The following STAG3 variants were observed in gnomAD, a reference collection of about 807,000 sequenced individuals.
STAG3 encodes STAG3 cohesin complex component, also known as cohesin subunit SA-3.
Under a neutral mutation model 160.7 loss-of-function variants are expected in STAG3, and 101 were observed. The observed-to-expected ratio is 0.63, with a 90% CI of 0.54 to 0.74. The LOEUF is 0.74. STAG3 is among the 30% of genes least tolerant of loss of function. The probability of loss-of-function intolerance (pLI) is 0.00; values close to 1 mark genes in which losing one functional copy is unlikely to be tolerated. For missense variants in STAG3, 1,188 were observed against 1,517.4 expected (o/e 0.78, Z 3.61); for synonymous variants, 519 against 585.0 (o/e 0.89, Z 1.63).
chr7:100,199,439 T>A, intron 15 of STAG3, 72 bp downstream of exon 15: 1 of 1,554,538 alleles, frequency 6.4e-7, no homozygotes, highest in Non-Finnish European at 8.9e-7. Flanking sequence ...ATTGCTTGCT[T>A]CACTTGTACA....
chr7:100,180,357 G>C (rs1799561793), intron 1 of STAG3, 136 bp from the exon 2 acceptor site: 1 of 517,304 alleles, frequency 1.9e-6, no homozygotes, highest in East Asian at 3.4e-5. Context: ...ACGGTGCCCA[G>C]CCTTTGTCTT....
At chr7:100,189,404 C>T in intron 7 of STAG3, 41 bp from the exon 8 acceptor site, 2 of 1,592,530 alleles carry the variant, frequency 1.3e-6, no homozygotes, top group Non-Finnish European at 1.7e-6. Context: ...TCTCCTCTGA[C>T]CTCAGTAATG....
chr7:100,178,421 G>C (rs943018485), intron 1 of STAG3, among the ~76,000 whole-genome samples: 1 of 151,876 alleles, frequency 6.6e-6, no homozygotes, highest in Non-Finnish European at 1.5e-5. Flanking sequence ...ACGAAAGCCT[G>C]GGGTCTTCTT....
In STAG3 at chr7:100,214,042, C is replaced by T. The variant is rs1160325279; in HGVS notation, c.*27C>T. ...AGGACTCTGGGCCCCTCCCCAGCTC[C>T]ACTCCCTACCTCAAGAATGTGACCA... On this transcript the variant is annotated 3_prime_UTR_variant, in exon 34 of 34. Transcript: ENST00000615138. 6.2e-7 allele frequency: 1 copy of T among 1,613,104 alleles called. No homozygotes were observed. Among genetic ancestry groups the T allele is most frequent in the African/African-American group, 1.3e-5 (1 of 74,880 alleles).
At chr7:100,206,084 G>A (rs376314182) in intron 29 of STAG3, among the ~76,000 whole-genome samples, 2 of 151,522 alleles carry the variant, frequency 1.3e-5, no homozygotes, top group Admixed American at 6.6e-5. Flanking sequence ...GCGCCATCTC[G>A]GCTCACTGCA....
At chr7:100,185,897 A>G (rs1799967620) in intron 4 of STAG3, among the ~76,000 whole-genome samples, 1 of 152,162 alleles carries the variant, frequency 6.6e-6, no homozygotes, top group Admixed American at 6.5e-5. Context: ...TCTTGGAAAA[A>G]GCTTAGGCTC....
At position 100,198,492 on chromosome 7, in the gene STAG3, T is replaced by G. The variant is rs1161498711; in HGVS notation, c.1262T>G (p.Leu421Arg). The G allele has an allele frequency of 5.6e-6, 9 of 1,614,136 alleles. No homozygotes were observed. Among genetic ancestry groups the G allele is most frequent in the Non-Finnish European group, 7.6e-6 (9 of 1,180,054 alleles). The change falls in exon 13 of 34, where the codon CTG becomes CGG. Residue 421 changes from leucine (L) to arginine (R), a missense_variant. This residue lies in a region of STAG3 where 240 missense variants were observed against 358.1 expected (regional missense o/e 0.67). Coordinates refer to ENST00000615138, the MANE Select transcript of STAG3 (RefSeq NM_001282717.2). ...ILILKNMEGVLTDADCESVYP... is the reference protein window; with the variant it reads ...ILILKNMEGVRTDADCESVYP... Reference sequence around the variant, plus strand: ...GTGGGCAGGAACATGGAAGGGGTGCTGACGGACGCGGATTGTGAGAGCGTC... The same window carrying G: ...GTGGGCAGGAACATGGAAGGGGTGCGGACGGACGCGGATTGTGAGAGCGTC...
At position 100,186,239 on chromosome 7, in the gene STAG3, C is replaced by T; in HGVS notation, c.376C>T (p.Gln126Ter). 1 of 1,614,030 alleles carries T rather than the reference C, an allele frequency of 6.2e-7. No homozygotes were observed. The highest frequency in any genetic ancestry group is 1.1e-5 in the South Asian group (1 of 91,072). The change falls in exon 5 of 34, where the codon CAG becomes TAG. Residue 126 changes from glutamine (Q) to a stop codon, truncating the protein, a stop_gained. Transcript: ENST00000615138. LOFTEE classifies it high-confidence loss of function. Reference sequence around the variant, plus strand: ...GTGGCTGGATAGCTACAAGCAAGACCAGGATGCAGGATTTCTGGAGCTTGT... The same window carrying T: ...GTGGCTGGATAGCTACAAGCAAGACTAGGATGCAGGATTTCTGGAGCTTGT... ...DEWLDSYKQD[Q>*]DAGFLELVNF... is the part of the protein sequence containing the mutation.
In STAG3 at chr7:100,200,459, G is replaced by C; in HGVS notation, c.1777G>C (p.Ala593Pro). ...TCCCTGTCAATCATCACAGTTCTCA[G>C]CTGATGCAGAGAAGGTCACTCCCCT... The part of the protein sequence containing the change: ...LLPQLLAKFS[A>P]DAEKVTPLLQ... Residue 593 changes from alanine to proline, a missense_variant, in exon 18 of 34, where the codon GCT becomes CCT. Physicochemically the swap from Ala to Pro is conservative, Grantham distance 27. This residue lies in a region of STAG3 where 240 missense variants were observed against 358.1 expected (regional missense o/e 0.67). Coordinates refer to ENST00000615138, the MANE Select transcript of STAG3 (RefSeq NM_001282717.2). 1 of 1,614,092 alleles carries C rather than the reference G, an allele frequency of 6.2e-7. No individual in the cohort carries two copies. The highest frequency in any genetic ancestry group is 8.5e-7 in the Non-Finnish European group (1 of 1,180,018).
At chr7:100,212,017 A>G in intron 32 of STAG3, 141 bp downstream of exon 32, 1 of 707,658 alleles carries the variant, frequency 1.4e-6, no homozygotes, top group Non-Finnish European at 2.3e-6. Context: ...AGGACAGGTT[A>G]TATGTTGGTT....
At chr7:100,217,015 G>T (rs1802813669), downstream of STAG3, among the ~76,000 whole-genome samples, 1 of 152,104 alleles carries the variant, frequency 6.6e-6, no homozygotes. Flanking sequence ...CACAAAACCT[G>T]AAGTGTGTGA....
intron 8 of STAG3, among the ~76,000 whole-genome samples, chr7:100,194,166 C>T (rs940693946): frequency 7.2e-5 from 11 of 152,046 alleles, no homozygotes; most frequent in Middle Eastern, 3.4e-3. Flanking sequence ...AGGCTGGTCT[C>T]GAACTGACCT....
chr7:100,193,926 A>C (rs1800500893), intron 8 of STAG3, among the ~76,000 whole-genome samples: 1 of 148,758 alleles, frequency 6.7e-6, no homozygotes, highest in South Asian at 2.1e-4. Context: ...TTTTCAACTA[A>C]GCTTAATCAT....
At chr7:100,213,384 C>T (rs779190338) in intron 32 of STAG3, 54 of 984,994 alleles carry the variant, frequency 5.5e-5, no homozygotes, top group Non-Finnish European at 6.0e-5. Context: ...CAGAATAGAA[C>T]AGAACAGGGG....
rs1562969947 is a variant in STAG3 at position 100,188,538 on chromosome 7, A to T, written c.510+9A>T. The T allele has an allele frequency of 6.3e-7, 1 of 1,598,016 alleles. No individual in the cohort carries two copies. On this transcript the variant is annotated intron_variant, in intron 6 of 33. Coordinates refer to ENST00000615138, the MANE Select transcript of STAG3 (RefSeq NM_001282717.2). ...CAGAGCAGTTTAATGAGGTGGAAGA[A>T]GATGACCAGGATCCTCTTACCCCTC... is the stretch of plus-strand genomic sequence containing the variant.
At chr7:100,191,516 T>A (rs1173783664) in intron 8 of STAG3, among the ~76,000 whole-genome samples, 1 of 152,378 alleles carries the variant, frequency 6.6e-6, no homozygotes, top group East Asian at 1.9e-4. Flanking sequence ...AAGTTGTGTT[T>A]ACACTGTAGT....
intron 8 of STAG3, among the ~76,000 whole-genome samples, chr7:100,194,981 GTTTA>G (rs1014485862): frequency 4.6e-5 from 7 of 152,078 alleles, no homozygotes; most frequent in Middle Eastern, 3.2e-3. Flanking sequence ...CCTTTAGTTT[GTTTA>G]AAAAAAATCC....
At chr7:100,177,821 G>C (rs1047754956), upstream of STAG3, 12 of 152,506 alleles carry the variant, frequency 7.9e-5, no homozygotes, top group African/African-American at 2.9e-4. Context: ...AACGTGGCGC[G>C]CATCAGCTCG....
At position 100,201,988 on chromosome 7, in the gene STAG3, T is replaced by G; in HGVS notation, c.2341T>G (p.Cys781Gly). 1.9e-6 allele frequency: 3 copies of G among 1,614,230 alleles called. No individual in the cohort carries two copies. Among genetic ancestry groups the G allele is most frequent in the Non-Finnish European group, 2.5e-6 (3 of 1,180,048 alleles). ...TTTGAGGGACAGAATGGTGGCCTTCTGTGAACTCTGCCAGAGTTGCCTCTC... is the reference window on the plus strand; with the variant it reads ...TTTGAGGGACAGAATGGTGGCCTTCGGTGAACTCTGCCAGAGTTGCCTCTC... ...SSLRDRMVAF[C>G]ELCQSCLSDV... The change falls in exon 23 of 34, where the codon TGT becomes GGT. Residue 781 changes from cysteine (C) to glycine (G), a missense_variant. Coordinates refer to ENST00000615138, the MANE Select transcript of STAG3 (RefSeq NM_001282717.2).
Sources: allele counts gnomAD v4.1 joint callset (sites outside exome capture counted in the v4.1 genomes callset), GRCh38; gene constraint gnomAD v4.1.1; regional missense constraint gnomAD v4.1.1; transcripts MANE v1.5; gene names NCBI Gene and HGNC (gene_info 2026-07-23, HGNC 2026-07-21).